Variants in GALNTL6 observed in about 807,000 individuals in gnomAD.
GALNTL6 encodes the protein polypeptide N-acetylgalactosaminyltransferase-like 6.
A neutral mutation model predicts 73.7 loss-of-function variants in GALNTL6; 46 were observed. The ratio of observed to expected loss-of-function variants is 0.62; its 90% CI spans 0.49 to 0.80. The LOEUF is 0.80. Among genes scored for constraint, GALNTL6 ranks in the 30% least tolerant of loss-of-function variants. The pLI, the probability that GALNTL6 is intolerant of heterozygous loss-of-function variation, is 0.00. For missense variants in GALNTL6, 604 were observed against 755.0 expected, an observed-to-expected ratio of 0.80 and a Z score of 2.34; for synonymous variants, 259 against 263.7, an observed-to-expected ratio of 0.98 and a Z score of 0.17.
At chr4:172,296,856 A>G (rs1342243059) in intron 3 of GALNTL6, among the ~76,000 whole-genome samples, 1 of 152,202 alleles carries the variant, frequency 6.6e-6, no homozygotes, top group Non-Finnish European at 1.5e-5. Flanking sequence ...AGCATGATTT[A>G]TAATCCTTTG....
chr4:172,892,408 T>C (rs947628294), intron 8 of GALNTL6, among the ~76,000 whole-genome samples: 6 of 152,160 alleles, frequency 3.9e-5, no homozygotes, highest in African/African-American at 1.2e-4. Context: ...GCCAGGGCTC[T>C]GTATGGGCTA....
intron 5 of GALNTL6, among the ~76,000 whole-genome samples, chr4:172,475,034 T>C (rs1423773397): frequency 6.6e-6 from 1 of 152,246 alleles, no homozygotes; most frequent in Non-Finnish European, 1.5e-5. Flanking sequence ...TATGAGGTGC[T>C]GAGTGTAATT....
chr4:172,992,112 A>G (rs1751570382), intron 10 of GALNTL6, among the ~76,000 whole-genome samples: 1 of 152,072 alleles, frequency 6.6e-6, no homozygotes, highest in Admixed American at 6.5e-5. Context: ...ATAGCATACA[A>G]CTCCTATTTT....
At chr4:171,947,845 A>G (rs1006757351) in intron 2 of GALNTL6, among the ~76,000 whole-genome samples, 13 of 152,146 alleles carry the variant, frequency 8.5e-5, no homozygotes, top group African/African-American at 2.9e-4. Context: ...AAAGCCTGAA[A>G]CTAGAGGAAG....
chr4:172,446,744 A>G (rs962982185), intron 5 of GALNTL6, among the ~76,000 whole-genome samples: 4 of 152,134 alleles, frequency 2.6e-5, no homozygotes, highest in Admixed American at 1.3e-4. Context: ...TGCTCTCTGA[A>G]GTGGAGAGCA....
At chr4:172,633,955 C>T (rs1310815690) in intron 5 of GALNTL6, among the ~76,000 whole-genome samples, 1 of 152,182 alleles carries the variant, frequency 6.6e-6, no homozygotes, top group Non-Finnish European at 1.5e-5. Context: ...GATTGTGAGG[C>T]TTCTGCAGAT....
chr4:172,407,142 T>TGTGCGAATG, intron 5 of GALNTL6, among the ~76,000 whole-genome samples: 1 of 152,112 alleles, frequency 6.6e-6, no homozygotes, highest in Non-Finnish European at 1.5e-5. Flanking sequence ...TTCTGCTTTT[T>TGTGCGAATG]ATATTCGCAC....
chr4:171,905,606 T>C (rs911495167), intron 2 of GALNTL6, among the ~76,000 whole-genome samples: 2 of 149,856 alleles, frequency 1.3e-5, no homozygotes, highest in African/African-American at 5.1e-5. Flanking sequence ...TCAACAAGGA[T>C]ACCCAGGAAT....
At chr4:172,568,539 G>A (rs1352147214) in intron 5 of GALNTL6, among the ~76,000 whole-genome samples, 5 of 151,878 alleles carry the variant, frequency 3.3e-5, no homozygotes, top group Admixed American at 1.3e-4. Flanking sequence ...GGCGGATCAC[G>A]AGGTCAGGAG....
At chr4:172,007,307 A>C (rs903896156) in intron 2 of GALNTL6, among the ~76,000 whole-genome samples, 2 of 152,116 alleles carry the variant, frequency 1.3e-5, no homozygotes, top group African/African-American at 4.8e-5. Flanking sequence ...GTGTTAAATT[A>C]GCTATTAAAA....
At chr4:172,372,179 G>A (rs1253311152) in intron 5 of GALNTL6, among the ~76,000 whole-genome samples, 2 of 152,146 alleles carry the variant, frequency 1.3e-5, no homozygotes, top group African/African-American at 4.8e-5. Flanking sequence ...TATAGGTTAA[G>A]GTCAGGATTA....
At chr4:172,296,731 A>G (rs1333941318) in intron 3 of GALNTL6, among the ~76,000 whole-genome samples, 1 of 152,166 alleles carries the variant, frequency 6.6e-6, no homozygotes, top group Non-Finnish European at 1.5e-5. Flanking sequence ...CATGGTGTAT[A>G]TGTGCCACAT....
At chr4:172,052,353 C>T in intron 2 of GALNTL6, 1 of 867,668 alleles carries the variant, frequency 1.2e-6, no homozygotes, top group Non-Finnish European at 1.8e-6. Flanking sequence ...TGGGCTTGAA[C>T]ACGCCCTTGA....
In GALNTL6 at chr4:172,273,704, T is replaced by C. The variant is rs150878050; in HGVS notation, c.248-37910T>C. ...TAAGGAAAGAACAGCAATGCAGTCA[T>C]TGGAGATATGAAACGAGAGTGACCT... On this transcript the variant is annotated intron_variant, in intron 3 of 12. Transcript: ENST00000506823. Among the ~76,000 whole-genome samples the C allele has an allele frequency of 8.3e-4, 126 of 152,172 alleles. No individual in the cohort carries two copies. The East Asian group carries it at 0.016, about 19-fold the overall frequency.
intron 5 of GALNTL6, among the ~76,000 whole-genome samples, chr4:172,473,211 T>C (rs926386510): frequency 1.3e-5 from 2 of 152,052 alleles, no homozygotes; most frequent in East Asian, 3.9e-4. Flanking sequence ...TACTCAAGAC[T>C]CCAATATTTC....
intron 3 of GALNTL6, among the ~76,000 whole-genome samples, chr4:172,277,380 G>C (rs1467231991): frequency 6.6e-6 from 1 of 152,146 alleles, no homozygotes; most frequent in Non-Finnish European, 1.5e-5. Flanking sequence ...CACTGGGTCT[G>C]TTGTTATGGA....
At chr4:172,935,363 TTAAAA>T (rs1260331735) in intron 9 of GALNTL6, among the ~76,000 whole-genome samples, 2 of 151,998 alleles carry the variant, frequency 1.3e-5, no homozygotes, top group Non-Finnish European at 2.9e-5. Flanking sequence ...AATATCAAAA[TTAAAA>T]TAACTAGAGA....
intron 5 of GALNTL6, among the ~76,000 whole-genome samples, chr4:172,471,738 A>G (rs971493705): frequency 6.6e-6 from 1 of 152,200 alleles, no homozygotes; most frequent in African/African-American, 2.4e-5. Flanking sequence ...ATATATAATG[A>G]TAAAGTTTTG....
chr4:172,533,668 G>A (rs1315415135), intron 5 of GALNTL6, among the ~76,000 whole-genome samples: 1 of 151,946 alleles, frequency 6.6e-6, no homozygotes, highest in African/African-American at 2.4e-5. Flanking sequence ...ATAAATTAAG[G>A]CTCAGAGTTT....
Sources: allele counts gnomAD v4.1 joint callset (sites outside exome capture counted in the v4.1 genomes callset), GRCh38; gene constraint gnomAD v4.1.1; transcripts MANE v1.5; gene names NCBI Gene and HGNC (gene_info 2026-07-23, HGNC 2026-07-21).